Variants in SYNPO2 observed in about 807,000 individuals in gnomAD.
SYNPO2 encodes the protein synaptopodin-2.
In SYNPO2, 56 loss-of-function variants were observed where a neutral mutation model predicts 85.0. The ratio of observed to expected loss-of-function variants is 0.66; its 90% confidence interval spans 0.53 to 0.82. SYNPO2 has a LOEUF of 0.82. SYNPO2 is among the 40% of genes least tolerant of loss of function. The pLI, the probability that SYNPO2 is intolerant of heterozygous loss-of-function variation, is 0.00. For synonymous variants in SYNPO2, 602 were observed against 591.1 expected, an observed-to-expected ratio of 1.02 and a Z score of -0.27; for missense variants, 1,575 against 1,534.2, an observed-to-expected ratio of 1.03 and a Z score of -0.44.
intron 1 of SYNPO2, among the ~76,000 whole-genome samples, chr4:118,908,528 G>T (rs766125666): frequency 6.6e-6 from 1 of 152,056 alleles, no homozygotes; most frequent in Admixed American, 6.5e-5. Flanking sequence ...AAAAACATTC[G>T]TAAGTATGAT....
intron 1 of SYNPO2, among the ~76,000 whole-genome samples, chr4:119,014,264 A>G (rs1737442181): frequency 6.6e-6 from 1 of 152,198 alleles, no homozygotes; most frequent in South Asian, 2.1e-4. Context: ...AAATACAAAA[A>G]TTAGCTGGGT....
At chr4:118,877,945 C>G (rs1207199157) in intron 1 of SYNPO2, among the ~76,000 whole-genome samples, 4 of 152,088 alleles carry the variant, frequency 2.6e-5, no homozygotes, top group Admixed American at 6.6e-5. Flanking sequence ...ATAGCAAAGA[C>G]TTGGAATCAA....
At chr4:118,952,099 A>G (rs1734721382) in intron 1 of SYNPO2, among the ~76,000 whole-genome samples, 1 of 152,234 alleles carries the variant, frequency 6.6e-6, no homozygotes, top group Non-Finnish European at 1.5e-5. Context: ...GGGTTATGAG[A>G]GAAGTGCATG....
chr4:118,892,564 TG>T (rs1578524129), intron 1 of SYNPO2, among the ~76,000 whole-genome samples: 1 of 152,188 alleles, frequency 6.6e-6, no homozygotes, highest in Non-Finnish European at 1.5e-5. Flanking sequence ...GACATACTTT[TG>T]GCAAATCACT....
intron 1 of SYNPO2, among the ~76,000 whole-genome samples, chr4:118,951,252 A>G (rs1734686559): frequency 6.6e-6 from 1 of 152,132 alleles, no homozygotes; most frequent in African/African-American, 2.4e-5. Flanking sequence ...CTGTCTGGGG[A>G]GGGCCCCTTC....
At chr4:119,026,042 A>G (rs1280358467) in intron 2 of SYNPO2, among the ~76,000 whole-genome samples, 4 of 152,238 alleles carry the variant, frequency 2.6e-5, no homozygotes, top group African/African-American at 9.6e-5. Context: ...GATTCATTGC[A>G]GCACGGAAAG....
chr4:119,035,776 G>A (rs1278483840), intron 4 of SYNPO2: 8 of 974,894 alleles, frequency 8.2e-6, no homozygotes, highest in Non-Finnish European at 8.4e-6. Context: ...TTATCACATA[G>A]CCTAAATTCT....
chr4:118,977,474 G>T (rs1239580749), intron 1 of SYNPO2, among the ~76,000 whole-genome samples: 1 of 152,240 alleles, frequency 6.6e-6, no homozygotes, highest in African/African-American at 2.4e-5. Flanking sequence ...CTCCGGCCTT[G>T]GACAGCCCAG....
chr4:118,931,946 T>C (rs533857656), intron 1 of SYNPO2, among the ~76,000 whole-genome samples: 2 of 152,344 alleles, frequency 1.3e-5, no homozygotes, highest in South Asian at 4.1e-4. Flanking sequence ...TTGTTCTGAA[T>C]ACCGTCACTG....
chr4:118,955,608 T>G (rs1002232565), intron 1 of SYNPO2, among the ~76,000 whole-genome samples: 2 of 152,058 alleles, frequency 1.3e-5, no homozygotes, highest in Non-Finnish European at 2.9e-5. Context: ...GGAAGAAAGG[T>G]TTGAGCCGAA....
At chr4:119,054,428 T>A (rs1467860309) in intron 4 of SYNPO2, among the ~76,000 whole-genome samples, 1 of 151,960 alleles carries the variant, frequency 6.6e-6, no homozygotes. Flanking sequence ...AAGAATGAGG[T>A]CACACAGACA....
At chr4:119,043,842 G>T (rs1347444026) in intron 4 of SYNPO2, 1 of 149,090 alleles carries the variant, frequency 6.7e-6, no homozygotes. Context: ...GCAGGGTGAG[G>T]CAGGAGAATT....
In SYNPO2 at chr4:118,894,151, TA is replaced by T. The variant is rs76672938; in HGVS notation, c.105+5020del. 6.5e-3 allele frequency among the ~76,000 whole-genome samples: 957 copies of T among 147,306 alleles called. 7 individuals carry two copies. Among genetic ancestry groups the T allele is most frequent in the African/African-American group, 0.021 (863 of 40,340 alleles). ...TTGTCATGAAAATTCAAGAAGAGGTTAAAAAAAAAAGTGAGGCCAGATAGGT... is the reference window on the plus strand; with the variant it reads ...TTGTCATGAAAATTCAAGAAGAGGTTAAAAAAAAAGTGAGGCCAGATAGGT... On this transcript the variant is annotated intron_variant, in intron 1 of 4. Coordinates refer to ENST00000307142, the MANE Select transcript of SYNPO2 (RefSeq NM_133477.3).
At chr4:118,937,187 T>C (rs1191714221) in intron 1 of SYNPO2, among the ~76,000 whole-genome samples, 2 of 152,200 alleles carry the variant, frequency 1.3e-5, no homozygotes, top group Non-Finnish European at 2.9e-5. Context: ...AAATTCCTCA[T>C]AAGTTTTGCA....
intron 1 of SYNPO2, among the ~76,000 whole-genome samples, chr4:118,955,024 G>C (rs1423175978): frequency 1.4e-5 from 2 of 138,914 alleles, no homozygotes; most frequent in Non-Finnish European, 3.0e-5. Context: ...TTTTTACACA[G>C]AGTCTCACTC....
chr4:118,960,845 C>T (rs1349182603), intron 1 of SYNPO2, among the ~76,000 whole-genome samples: 4 of 152,096 alleles, frequency 2.6e-5, no homozygotes, highest in East Asian at 3.9e-4. Flanking sequence ...TACCACCCTC[C>T]GCCTAATTCC....
chr4:118,882,111 TATTA>T (rs1732115467), intron 1 of SYNPO2, among the ~76,000 whole-genome samples: 1 of 152,246 alleles, frequency 6.6e-6, no homozygotes, highest in Admixed American at 6.5e-5. Flanking sequence ...TTGTCTGGGA[TATTA>T]ATTTCTTCCC....
At chr4:118,993,899 C>G (rs1445070720) in intron 1 of SYNPO2, among the ~76,000 whole-genome samples, 3 of 152,172 alleles carry the variant, frequency 2.0e-5, no homozygotes, top group Non-Finnish European at 4.4e-5. Flanking sequence ...GCTGGAAGCA[C>G]GGAATGATTT....
At chr4:118,995,020 C>T (rs1398994083) in intron 1 of SYNPO2, among the ~76,000 whole-genome samples, 1 of 152,158 alleles carries the variant, frequency 6.6e-6, no homozygotes, top group Non-Finnish European at 1.5e-5. Flanking sequence ...TACAAACAAA[C>T]GTGCTCTCAT....
Sources: gnomAD v4.1 joint callset for allele counts (sites outside exome capture counted in the v4.1 genomes callset) on GRCh38, gnomAD v4.1.1 for gene constraint, MANE v1.5 for transcripts, NCBI Gene and HGNC (gene_info 2026-07-23, HGNC 2026-07-21) for gene names.